Variants in LRRTM4 observed in about 807,000 individuals in gnomAD.
The protein encoded by LRRTM4 is leucine-rich repeat transmembrane neuronal protein 4.
A neutral mutation model predicts 47.6 loss-of-function variants in LRRTM4; 25 were observed. That is an observed-to-expected ratio of 0.53 (90% confidence interval 0.38 to 0.73). The LOEUF (loss-of-function observed/expected upper bound fraction) is 0.73, where lower values mean the gene tolerates loss of function less well. Among genes scored for constraint, LRRTM4 ranks in the 30% least tolerant of loss-of-function variants. The probability of loss-of-function intolerance (pLI) is 0.00; values close to 1 mark genes in which losing one functional copy is unlikely to be tolerated. For synonymous variants in LRRTM4, 311 were observed against 269.5 expected (o/e 1.15, Z -1.51); for missense variants, 638 against 713.4 (o/e 0.89, Z 1.20).
chr2:76,790,264 C>T lies in LRRTM4; in HGVS notation c.1552-41348G>A, dbSNP rs115034271. The stretch of plus-strand genomic sequence containing the variant: ...AGTCATTGGTTCTGCTTTGTCAGTA[C>T]GGTGGTATGGGGATATGGTGCAGGA... On this transcript the variant is annotated intron_variant, in intron 3 of 3. Coordinates refer to ENST00000409884, the MANE Select transcript of LRRTM4 (RefSeq NM_001134745.3). Among the ~76,000 whole-genome samples the T allele has an allele frequency of 3.1e-3, 471 of 152,142 alleles. 3 individuals carry two copies. The highest frequency in any genetic ancestry group is 5.6e-3 in the Non-Finnish European group (382 of 67,976).
chr2:76,780,645 T>C (rs886370298), intron 3 of LRRTM4, among the ~76,000 whole-genome samples: 1 of 152,210 alleles, frequency 6.6e-6, no homozygotes, highest in Non-Finnish European at 1.5e-5. Flanking sequence ...TTGGTTATTC[T>C]AGTAATACAT....
intron 3 of LRRTM4, among the ~76,000 whole-genome samples, chr2:77,252,766 G>A (rs915195111): frequency 6.6e-6 from 1 of 152,062 alleles, no homozygotes; most frequent in Non-Finnish European, 1.5e-5. Flanking sequence ...CTGAGATGGG[G>A]ACATTCCTGG....
Position 77,015,996 on chromosome 2 carries a change from C to T in LRRTM4, c.1552-267080G>A, listed in dbSNP as rs113464236. Among the ~76,000 whole-genome samples, 411 of 152,004 alleles carry T rather than the reference C, an allele frequency of 2.7e-3. 3 individuals carry two copies. Among genetic ancestry groups the T allele is most frequent in the African/African-American group, 9.6e-3 (400 of 41,454 alleles). On this transcript the variant is annotated intron_variant, in intron 3 of 3. Coordinates refer to ENST00000409884, the MANE Select transcript of LRRTM4 (RefSeq NM_001134745.3). Reference sequence around the variant, plus strand: ...ACTCAGGAGGCTGAGGCAAGAGAATCGCTTGAACTGGGAAGCAGAGGTTGC... The same window carrying T: ...ACTCAGGAGGCTGAGGCAAGAGAATTGCTTGAACTGGGAAGCAGAGGTTGC...
At chr2:77,216,658 C>T (rs999588081) in intron 3 of LRRTM4, among the ~76,000 whole-genome samples, 3 of 152,158 alleles carry the variant, frequency 2.0e-5, no homozygotes, top group African/African-American at 7.2e-5. Context: ...AACTGAGTCA[C>T]CTAAATTTGT....
intron 3 of LRRTM4, among the ~76,000 whole-genome samples, chr2:76,754,174 A>G (rs1672947550): frequency 6.6e-6 from 1 of 152,344 alleles, no homozygotes. Flanking sequence ...TAATGAAGAT[A>G]GACACTTCAC....
chr2:77,353,132 T>C (rs1671845478), intron 3 of LRRTM4, among the ~76,000 whole-genome samples: 1 of 152,172 alleles, frequency 6.6e-6, no homozygotes, highest in South Asian at 2.1e-4. Context: ...GATGTAGTAA[T>C]ATTAGAAAAT....
intron 3 of LRRTM4, among the ~76,000 whole-genome samples, chr2:77,011,221 G>T (rs1280336711): frequency 6.6e-6 from 1 of 152,100 alleles, no homozygotes; most frequent in African/African-American, 2.4e-5. Flanking sequence ...ATTTCAACAT[G>T]TAATCACATA....
intron 3 of LRRTM4, among the ~76,000 whole-genome samples, chr2:76,813,467 C>A (rs997387796): frequency 6.6e-6 from 1 of 152,078 alleles, no homozygotes; most frequent in Non-Finnish European, 1.5e-5. Flanking sequence ...CCCCAAGACA[C>A]AGAGTATAAA....
intron 3 of LRRTM4, among the ~76,000 whole-genome samples, chr2:76,961,645 G>A (rs77928245): frequency 0.039 from 5,936 of 151,286 alleles, 257 homozygotes; most frequent in East Asian, 0.14. Context: ...GATTCCCAGG[G>A]CTACTATTAA....
intron 3 of LRRTM4, among the ~76,000 whole-genome samples, chr2:77,225,303 T>C (rs1160405030): frequency 1.4e-5 from 2 of 138,778 alleles, no homozygotes; most frequent in African/African-American, 3.3e-5. Context: ...ACATGGCACA[T>C]GTATACATAT....
chr2:77,403,141 G>C (rs548483488), intron 3 of LRRTM4, among the ~76,000 whole-genome samples: 2 of 151,956 alleles, frequency 1.3e-5, no homozygotes, highest in Admixed American at 1.3e-4. Flanking sequence ...ATGTCTCCCA[G>C]TTAACATCAG....
chr2:77,317,439 C>G (rs1558685594), intron 3 of LRRTM4, among the ~76,000 whole-genome samples: 1 of 152,106 alleles, frequency 6.6e-6, no homozygotes, highest in Non-Finnish European at 1.5e-5. Context: ...TTTCTTTTAG[C>G]TTTTCTGACT....
rs141622256 is a variant in LRRTM4, at chr2:77,423,141, A to T, written c.1551+95177T>A. On this transcript the variant is annotated intron_variant, in intron 3 of 3. Coordinates refer to ENST00000409884, the MANE Select transcript of LRRTM4 (RefSeq NM_001134745.3). ...TTAAGAGTTGCTTTATTGCTAGATA[A>T]TGGCCCATAAAATAAGCATAACTTG... 8.5e-3 allele frequency among the ~76,000 whole-genome samples: 1,296 copies of T among 152,220 alleles called. 20 individuals carry two copies. The highest frequency in any genetic ancestry group is 0.03 in the African/African-American group (1,234 of 41,562).
chr2:77,221,240 A>G (rs1431450556), intron 3 of LRRTM4, among the ~76,000 whole-genome samples: 1 of 152,210 alleles, frequency 6.6e-6, no homozygotes, highest in Non-Finnish European at 1.5e-5. Flanking sequence ...GGTACCAGCC[A>G]CTGCAAAAAC....
intron 3 of LRRTM4, among the ~76,000 whole-genome samples, chr2:77,221,930 T>A (rs566136261): frequency 1.3e-5 from 2 of 152,244 alleles, no homozygotes; most frequent in South Asian, 4.1e-4. Flanking sequence ...ACCACACTTA[T>A]TCCAAAATTG....
chr2:77,154,778 T>C (rs1009373453), intron 3 of LRRTM4, among the ~76,000 whole-genome samples: 2 of 152,152 alleles, frequency 1.3e-5, no homozygotes, highest in African/African-American at 4.8e-5. Flanking sequence ...GATGGGTCTC[T>C]GTACAGTTAG....
chr2:77,414,092 C>T (rs149636821), intron 3 of LRRTM4, among the ~76,000 whole-genome samples: 12 of 152,310 alleles, frequency 7.9e-5, no homozygotes, highest in African/African-American at 2.4e-4. Context: ...TGCTTCTAAT[C>T]CCACATTATT....
intron 3 of LRRTM4, among the ~76,000 whole-genome samples, chr2:77,161,931 T>C (rs569649560): frequency 9.9e-5 from 15 of 152,254 alleles, no homozygotes; most frequent in Non-Finnish European, 1.2e-4. Flanking sequence ...TGAATAGGAA[T>C]AGCTCCAGTC....
chr2:77,132,542 A>G (rs1347050491), intron 3 of LRRTM4, among the ~76,000 whole-genome samples: 1 of 152,162 alleles, frequency 6.6e-6, no homozygotes, highest in Admixed American at 6.5e-5. Flanking sequence ...AAGATCAAAA[A>G]GCTAGCAGGT....
Sources: gnomAD v4.1 joint callset for allele counts (sites outside exome capture counted in the v4.1 genomes callset) on GRCh38, gnomAD v4.1.1 for gene constraint, MANE v1.5 for transcripts, NCBI Gene and HGNC (gene_info 2026-07-23, HGNC 2026-07-21) for gene names.